CLMN: variants seen among roughly 807,000 people sequenced by gnomAD.
CLMN encodes the protein calmin, also known as calmin (calponin-like, transmembrane).
CLMN carries 57 observed loss-of-function variants against 92.7 expected under a neutral mutation model. The ratio of observed to expected loss-of-function variants is 0.61; its 90% CI spans 0.50 to 0.77. The LOEUF is 0.77. Ranked by LOEUF, CLMN falls within the 30% of genes least tolerant of loss-of-function variation. The pLI is 0.00. For missense variants in CLMN, 1,158 were observed against 1,237.5 expected (o/e 0.94, Z 0.96); for synonymous variants, 466 against 470.6 (o/e 0.99, Z 0.13).
At position 95,264,939 on chromosome 14, in the gene CLMN, C is replaced by CAAAA. The variant is rs34109382; in HGVS notation, c.83-34810_83-34807dup. Reference sequence around the variant, plus strand: ...TCTCATGATAACTCTCCATCTCTACCAAAAAAAAAAAAAAAAATTAGCCAG... The same window carrying CAAAA: ...TCTCATGATAACTCTCCATCTCTACCAAAAAAAAAAAAAAAAAAAAATTAGCCAG... On this transcript the variant is annotated intron_variant, in intron 1 of 12. Coordinates refer to ENST00000298912, the MANE Select transcript of CLMN (RefSeq NM_024734.4). 4.4e-3 allele frequency among the ~76,000 whole-genome samples: 560 copies of CAAAA among 127,424 alleles called. 4 individuals carry two copies. The highest frequency in any genetic ancestry group is 0.016 in the African/African-American group (528 of 34,026). 83.6% of individuals were successfully genotyped at this position (127,424 alleles called of 152,430 possible). A position where few individuals can be genotyped will look rare whatever the true frequency, so the allele number is the denominator to read the frequency against.
intron 1 of CLMN, among the ~76,000 whole-genome samples, chr14:95,247,793 T>C (rs1898628046): frequency 6.6e-6 from 1 of 151,612 alleles, no homozygotes; most frequent in Non-Finnish European, 1.5e-5. Context: ...GTCCTTCGAA[T>C]CAAAGGGATG....
At chr14:95,262,362 G>T (rs1899291024) in intron 1 of CLMN, among the ~76,000 whole-genome samples, 1 of 152,154 alleles carries the variant, frequency 6.6e-6, no homozygotes, top group South Asian at 2.1e-4. Flanking sequence ...AACTCAGCAA[G>T]CAGCGACCTG....
chr14:95,209,332 G>T (rs17091919), intron 8 of CLMN, 63 bp downstream of exon 8: 16,416 of 1,503,060 alleles, frequency 0.011, 166 homozygotes, highest in Admixed American at 0.04. Context: ...TCCCTGCTTC[G>T]TCTGATGGCC....
intron 1 of CLMN, among the ~76,000 whole-genome samples, chr14:95,313,995 C>T (rs1054559619): frequency 7.9e-5 from 12 of 152,370 alleles, no homozygotes; most frequent in African/African-American, 2.9e-4. Flanking sequence ...CTGGGCTGCT[C>T]TGATGCAAAG....
chr14:95,214,188 T>C (rs538643331), intron 5 of CLMN, among the ~76,000 whole-genome samples: 1 of 152,174 alleles, frequency 6.6e-6, no homozygotes, highest in Admixed American at 6.5e-5. Flanking sequence ...AGAAACTCAA[T>C]AGACATTTGT....
At chr14:95,277,454 G>A (rs1306856591) in intron 1 of CLMN, among the ~76,000 whole-genome samples, 1 of 152,190 alleles carries the variant, frequency 6.6e-6, no homozygotes, top group Non-Finnish European at 1.5e-5. Flanking sequence ...CCGCCATTTG[G>A]AAGGTGGGAA....
At chr14:95,252,074 C>A (rs1028034239) in intron 1 of CLMN, among the ~76,000 whole-genome samples, 1 of 152,300 alleles carries the variant, frequency 6.6e-6, no homozygotes, top group East Asian at 1.9e-4. Context: ...GGCCCAAGAC[C>A]GTGGACTCGG....
At chr14:95,232,159 T>A (rs1897909794) in intron 1 of CLMN, among the ~76,000 whole-genome samples, 1 of 152,200 alleles carries the variant, frequency 6.6e-6, no homozygotes, top group Non-Finnish European at 1.5e-5. Context: ...CCGGAGGGTG[T>A]TTCTGAGATG....
intron 1 of CLMN, among the ~76,000 whole-genome samples, chr14:95,233,551 G>C (rs1022546162): frequency 4.9e-4 from 74 of 152,220 alleles, no homozygotes; most frequent in African/African-American, 1.8e-3. Flanking sequence ...CAAAACCAGA[G>C]ATGAAGAATT....
chr14:95,221,817 C>T (rs986250581), intron 3 of CLMN, 43 bp from the exon 4 acceptor site: 9 of 1,572,630 alleles, frequency 5.7e-6, no homozygotes, highest in Non-Finnish European at 7.9e-6. Flanking sequence ...TAAACCCGCA[C>T]AGGCACTTCC....
intron 1 of CLMN, among the ~76,000 whole-genome samples, chr14:95,283,098 GA>G (rs1900201098): frequency 6.6e-6 from 1 of 152,218 alleles, no homozygotes; most frequent in African/African-American, 2.4e-5. Context: ...TTATCTCCCA[GA>G]ATTCCCACAT....
chr14:95,196,464 C>T, intron 10 of CLMN, 34 bp downstream of exon 10: 2 of 1,584,436 alleles, frequency 1.3e-6, no homozygotes, highest in Admixed American at 1.8e-5. Context: ...CTCTCTGGCT[C>T]CACCTTACGG....
intron 1 of CLMN, among the ~76,000 whole-genome samples, chr14:95,306,536 A>G (rs185507600): frequency 6.8e-4 from 104 of 152,266 alleles, no homozygotes; most frequent in Admixed American, 1.9e-3. Flanking sequence ...TCTCAAACAA[A>G]AAAAAAAGAA....
chr14:95,306,219 AAG>A (rs995143704), intron 1 of CLMN, among the ~76,000 whole-genome samples: 52 of 152,258 alleles, frequency 3.4e-4, no homozygotes, highest in South Asian at 1.2e-3. Context: ...CTTGCTCAAG[AAG>A]AGAGAACTAG....
At chr14:95,204,509 C>T in intron 8 of CLMN, 46 bp from the exon 9 acceptor site, 1 of 1,483,936 alleles carries the variant, frequency 6.7e-7, no homozygotes, top group Non-Finnish European at 9.0e-7. Context: ...AACAAAAGAA[C>T]AACAACAAAA....
intron 1 of CLMN, among the ~76,000 whole-genome samples, chr14:95,290,886 G>T (rs764680188): frequency 2.6e-4 from 40 of 152,076 alleles, no homozygotes; most frequent in Admixed American, 3.3e-4. Flanking sequence ...TTCTATGAAG[G>T]GTGGTAGCCT....
At chr14:95,253,531 T>C (rs1293621401) in intron 1 of CLMN, among the ~76,000 whole-genome samples, 1 of 151,932 alleles carries the variant, frequency 6.6e-6, no homozygotes, top group Non-Finnish European at 1.5e-5. Flanking sequence ...TGCAGGGAGA[T>C]GGAGGACAGT....
chr14:95,231,342 G>A (rs749326513), intron 1 of CLMN, among the ~76,000 whole-genome samples: 6 of 151,914 alleles, frequency 3.9e-5, no homozygotes, highest in African/African-American at 9.7e-5. Flanking sequence ...GACTACAGGC[G>A]CGCACCACCA....
At chr14:95,255,804 T>TA (rs1434581832) in intron 1 of CLMN, among the ~76,000 whole-genome samples, 2 of 152,178 alleles carry the variant, frequency 1.3e-5, no homozygotes. Flanking sequence ...CTATTGTTTT[T>TA]ACTAGGTTCC....
Sources: gnomAD v4.1 joint callset for allele counts (sites outside exome capture counted in the v4.1 genomes callset) on GRCh38, gnomAD v4.1.1 for gene constraint, MANE v1.5 for transcripts, NCBI Gene and HGNC (gene_info 2026-07-23, HGNC 2026-07-21) for gene names.